GRIP2: variants seen among roughly 807,000 people sequenced by gnomAD.
GRIP2 encodes the protein glutamate receptor interacting protein 2, also known as glutamate receptor-interacting protein 2.
Under a neutral mutation model 108.3 loss-of-function variants are expected in GRIP2, and 58 were observed. That is an observed-to-expected ratio of 0.54 (90% CI 0.43 to 0.67). GRIP2 has a LOEUF of 0.67. Among genes scored for constraint, GRIP2 ranks in the 30% least tolerant of loss-of-function variants. GRIP2 has a pLI of 0.00. For missense variants in GRIP2, 1,278 were observed against 1,430.6 expected (o/e 0.89, Z 1.72); for synonymous variants, 586 against 598.2 (o/e 0.98, Z 0.30).
upstream of GRIP2, among the ~76,000 whole-genome samples, chr3:14,542,787 G>A (rs1475187109): frequency 6.6e-6 from 1 of 152,204 alleles, no homozygotes; most frequent in African/African-American, 2.4e-5. Context: ...ATGTTCAGAA[G>A]CAATTATTGG....
intron 16 of GRIP2, among the ~76,000 whole-genome samples, chr3:14,510,263 T>G (rs1320722071): frequency 6.9e-5 from 10 of 145,524 alleles, no homozygotes; most frequent in African/African-American, 1.0e-4. Flanking sequence ...CCGTTGTTTT[T>G]TTTTTTTTTT....
At chr3:14,520,053 C>T (rs1025811138) in intron 9 of GRIP2, 57 bp downstream of exon 9, 6 of 1,491,498 alleles carry the variant, frequency 4.0e-6, no homozygotes, top group Admixed American at 2.1e-5. Context: ...GGTCCCAGGC[C>T]TCTCAGGCCT....
rs1440952251 is a variant in GRIP2 at position 14,521,661 on chromosome 3, CT to C, written c.692del (p.Glu231GlyfsTer17). On this transcript the variant is annotated frameshift_variant, in exon 7 of 24. Coordinates refer to ENST00000621039, the MANE Select transcript of GRIP2 (RefSeq NM_001080423.4). LOFTEE classifies it high-confidence loss of function. The surrounding 1 kb of genome is among the most constrained non-coding windows in gnomAD (Gnocchi z 5.1). ...ACTCACCAGGGGTGGCCACATCATA[CT>C]CCACCTGAAAGAGTGCCTCGTGGCT... Reference protein sequence around the residue: ...QCSHEALFQVEYDVATPDTVA... With the variant: ...QCSHEALFQVXYDVATPDTVA... The C allele has an allele frequency of 6.2e-7, 1 of 1,611,362 alleles. No individual in the cohort carries two copies.
At chr3:14,601,319 A>C in the GRIP2 span, among the ~76,000 whole-genome samples, 4 of 152,124 alleles carry the variant, frequency 2.6e-5, no homozygotes, top group African/African-American at 9.7e-5. Context: ...TGCTCAGACG[A>C]AAGTTAGTGG....
chr3:14,499,975 C>T (rs1037969967), intron 21 of GRIP2, among the ~76,000 whole-genome samples: 4 of 151,854 alleles, frequency 2.6e-5, no homozygotes, highest in African/African-American at 4.8e-5. Flanking sequence ...ACATGCGGCC[C>T]GTGGGCCACA....
At chr3:14,536,412 T>C (rs1012788804) in intron 1 of GRIP2, among the ~76,000 whole-genome samples, 4 of 152,178 alleles carry the variant, frequency 2.6e-5, no homozygotes, top group Non-Finnish European at 4.4e-5. Context: ...GGCTCTGCTC[T>C]TTCCCTCCAA....
intron 11 of GRIP2, among the ~76,000 whole-genome samples, chr3:14,516,416 G>GA (rs1694249071): frequency 6.6e-6 from 1 of 152,208 alleles, no homozygotes; most frequent in South Asian, 2.1e-4. Context: ...ATCAACAAAG[G>GA]AAAGACTGTT....
chr3:14,529,833 T>C (rs1694662911), intron 1 of GRIP2, among the ~76,000 whole-genome samples: 1 of 152,232 alleles, frequency 6.6e-6, no homozygotes, highest in African/African-American at 2.4e-5. Context: ...TCATCTTTAG[T>C]AGTGCTTCAA....
chr3:14,520,336 C>A, intron 8 of GRIP2, 54 bp downstream of exon 8: 1 of 1,610,286 alleles, frequency 6.2e-7, no homozygotes, highest in Non-Finnish European at 8.5e-7. Flanking sequence ...AAGCTCTGGG[C>A]CGCCTCTCCC....
rs773054183 is a variant in GRIP2 at position 14,503,693 on chromosome 3, G to A, written c.2574-22C>T. 3.5e-6 allele frequency: 4 copies of A among 1,130,936 alleles called. No homozygotes were observed. In the Admixed American group the frequency reaches 9.1e-5, roughly 26 times the overall value. The allele number at this position is 1,130,936 out of a possible 1,614,324, so 70.1% of individuals were successfully genotyped here. ...TGGGCTGTAACGTAGGAACCAGAGA[G>A]CGTCAACTCCTGGCAGGCGGGTGGG... On this transcript the variant is annotated intron_variant, in intron 20 of 23. Coordinates refer to ENST00000621039, the MANE Select transcript of GRIP2 (RefSeq NM_001080423.4).
intron 9 of GRIP2, 101 bp downstream of exon 9, chr3:14,520,009 T>G (rs1231538652): frequency 7.8e-6 from 9 of 1,147,828 alleles, no homozygotes; most frequent in African/African-American, 1.6e-5. Context: ...CCTAGTACAT[T>G]TTAGCCTGCT....
At chr3:14,582,647 G>A in the GRIP2 span, among the ~76,000 whole-genome samples, 934 of 152,270 alleles carry the variant, frequency 6.1e-3, 6 homozygotes, top group African/African-American at 0.017. Context: ...GCTTGTTTGC[G>A]CCTCAGGACC....
Position 14,520,110 on chromosome 3 carries a change from C to A in GRIP2, c.1030G>T (p.Val344Leu). The A allele has an allele frequency of 6.3e-7, 1 of 1,592,094 alleles. No homozygotes were observed. Among genetic ancestry groups the A allele is most frequent in the Non-Finnish European group, 8.5e-7 (1 of 1,170,676 alleles). ...SQRPLRPSEAVKVQRSEQLHR... is the reference protein window; with the variant it reads ...SQRPLRPSEALKVQRSEQLHR... ...CCTGAGATCTACTGAGGGGACCCACCTGCCTCTGAGGGCCTCAGTGGCCGC... is the reference window on the plus strand; with the variant it reads ...CCTGAGATCTACTGAGGGGACCCACATGCCTCTGAGGGCCTCAGTGGCCGC... Residue 344 changes from valine (V) to leucine (L), a missense_variant and splice_region_variant, in exon 9 of 24, where the codon GTG (valine) becomes TTG (leucine). Physicochemically the swap from Val to Leu is conservative, Grantham distance 32 (BLOSUM62 1). Transcript: ENST00000621039.
rs372193668 is a variant in GRIP2, at chr3:14,525,890, C to T, written c.82G>A (p.Ala28Thr). Residue 28 changes from alanine to threonine, a missense_variant, in exon 2 of 24, where the codon GCC (alanine) becomes ACC (threonine). Ala to Thr is a moderately conservative substitution (Grantham distance 58). Coordinates refer to ENST00000621039, the MANE Select transcript of GRIP2 (RefSeq NM_001080423.4). ...YSKGGKDAGG[A>T]DVSLACRRQS... is the part of the protein sequence containing the mutation. ...CTGCGGCACGCCAGGGAAACGTCGG[C>T]CCCTCCTGCGTCCTTGCCTCCTTTG... The T allele has an allele frequency of 3.2e-6, 5 of 1,561,822 alleles. No individual in the cohort carries two copies. In the African/African-American group the frequency reaches 4.1e-5, roughly 13 times the overall value.
At chr3:14,529,695 A>G (rs1381877895) in intron 1 of GRIP2, among the ~76,000 whole-genome samples, 1 of 152,050 alleles carries the variant, frequency 6.6e-6, no homozygotes, top group African/African-American at 2.4e-5. Flanking sequence ...TATTTTGAAC[A>G]TTCACCTATT....
At chr3:14,556,079 C>A (rs1257236228), upstream of GRIP2, 1 of 398,204 alleles carries the variant, frequency 2.5e-6, no homozygotes, top group African/African-American at 2.1e-5. Flanking sequence ...GCGCTCCCTT[C>A]CTCCGCCCTC....
At chr3:14,527,786 C>T (rs1357869377) in intron 1 of GRIP2, among the ~76,000 whole-genome samples, 1 of 152,104 alleles carries the variant, frequency 6.6e-6, no homozygotes, top group Non-Finnish European at 1.5e-5. Context: ...ATCCCAGCTA[C>T]TTTGGAGGCT....
the GRIP2 span, among the ~76,000 whole-genome samples, chr3:14,591,487 C>G: frequency 6.6e-6 from 1 of 152,030 alleles, no homozygotes; most frequent in Admixed American, 6.6e-5. Flanking sequence ...AATAATCAGA[C>G]CTACGCTCAG....
At chr3:14,562,777 C>T in the GRIP2 span, among the ~76,000 whole-genome samples, 195 of 152,100 alleles carry the variant, frequency 1.3e-3, 2 homozygotes, top group Admixed American at 0.011. Flanking sequence ...GTCTCAGCAT[C>T]GCCCAGAGTG....
Sources: allele counts gnomAD v4.1 joint callset (sites outside exome capture counted in the v4.1 genomes callset), GRCh38; gene constraint gnomAD v4.1.1; non-coding constraint Gnocchi (gnomAD v3.1); transcripts MANE v1.5; gene names NCBI Gene and HGNC (gene_info 2026-07-23, HGNC 2026-07-21).